MEIKIN: variants seen among roughly 807,000 people sequenced by gnomAD.
The protein encoded by MEIKIN is meiotic kinetochore factor, also known as meiosis-specific kinetochore protein.
intron 9 of MEIKIN, among the ~76,000 whole-genome samples, chr5:131,867,838 AG>A (rs1260071965): frequency 1.3e-5 from 2 of 152,226 alleles, no homozygotes; most frequent in African/African-American, 4.8e-5. Context: ...ATAAACGTTC[AG>A]GTGCATACTT....
At chr5:131,931,629 A>G (rs1751695561) in intron 5 of MEIKIN, among the ~76,000 whole-genome samples, 1 of 152,156 alleles carries the variant, frequency 6.6e-6, no homozygotes, top group African/African-American at 2.4e-5. Flanking sequence ...AGGAGTAGGA[A>G]TTATGGTGAG....
intron 4 of MEIKIN, among the ~76,000 whole-genome samples, chr5:131,941,714 G>A (rs1751872908): frequency 1.3e-5 from 2 of 152,142 alleles, no homozygotes; most frequent in South Asian, 4.1e-4. Flanking sequence ...CTATCTGGTT[G>A]ATATTGCTAC....
chr5:131,943,668 T>G (rs940496543), intron 3 of MEIKIN, among the ~76,000 whole-genome samples: 2 of 152,168 alleles, frequency 1.3e-5, no homozygotes, highest in African/African-American at 4.8e-5. Context: ...ATAAAAATTT[T>G]AAGAAACTTT....
At chr5:131,849,892 T>C (rs1417738227) in intron 11 of MEIKIN, among the ~76,000 whole-genome samples, 3 of 152,024 alleles carry the variant, frequency 2.0e-5, no homozygotes, top group African/African-American at 4.8e-5. Flanking sequence ...ATTATCTCTG[T>C]TCACAGACAA....
intron 7 of MEIKIN, 63 bp downstream of exon 7, chr5:131,916,823 C>T: frequency 2.5e-6 from 1 of 394,832 alleles, no homozygotes; most frequent in Non-Finnish European, 4.5e-6. Flanking sequence ...ATCATATTTG[C>T]TATATAACTA....
At chr5:131,834,385 C>T (rs1480145588) in intron 11 of MEIKIN, among the ~76,000 whole-genome samples, 4 of 152,120 alleles carry the variant, frequency 2.6e-5, no homozygotes, top group Non-Finnish European at 4.4e-5. Flanking sequence ...TTCAAGTAAA[C>T]AATTCACTGT....
intron 8 of MEIKIN, among the ~76,000 whole-genome samples, chr5:131,880,995 A>G (rs1750693495): frequency 6.6e-6 from 1 of 152,252 alleles, no homozygotes; most frequent in African/African-American, 2.4e-5. Flanking sequence ...TTTATTTGCT[A>G]AATCTGTTAA....
chr5:131,904,698 T>C (rs1358877558), intron 8 of MEIKIN, among the ~76,000 whole-genome samples: 1 of 152,168 alleles, frequency 6.6e-6, no homozygotes, highest in Non-Finnish European at 1.5e-5. Flanking sequence ...ACACGTATGC[T>C]TATTGCAGCA....
At chr5:131,878,833 G>A in intron 9 of MEIKIN, 145 bp downstream of exon 9, 1 of 373,330 alleles carries the variant, frequency 2.7e-6, no homozygotes, top group Non-Finnish European at 4.7e-6. Flanking sequence ...TATGATCACA[G>A]CACTGAACTC....
intron 5 of MEIKIN, among the ~76,000 whole-genome samples, chr5:131,923,680 A>G (rs905677030): frequency 9.2e-5 from 14 of 151,816 alleles, no homozygotes; most frequent in South Asian, 2.1e-4. Flanking sequence ...GATAAAATAC[A>G]TATTTTCTTA....
At position 131,865,314 on chromosome 5, in the gene MEIKIN, G is replaced by A. The variant is rs189966480; in HGVS notation, c.775-10480C>T. 2.5e-3 allele frequency among the ~76,000 whole-genome samples: 384 copies of A among 152,004 alleles called. 9 individuals are homozygous for A. The East Asian group carries it at 0.063, about 25-fold the overall frequency. On this transcript the variant is annotated intron_variant, in intron 9 of 12. Transcript: ENST00000442687. ...CACTCACTGCAAGCTCCGCCTCCTC[G>A]GTTCATGCCATTCTCCTGCCTCAGC...
chr5:131,817,422 T>C (rs1033799313), intron 12 of MEIKIN, among the ~76,000 whole-genome samples: 1 of 151,756 alleles, frequency 6.6e-6, no homozygotes, highest in African/African-American at 2.4e-5. Context: ...CCATCCTGGC[T>C]AACACGATGA....
intron 7 of MEIKIN, among the ~76,000 whole-genome samples, chr5:131,915,618 T>C (rs1440726644): frequency 1.4e-4 from 22 of 152,150 alleles, no homozygotes; most frequent in Admixed American, 1.4e-3. Flanking sequence ...AGGGATATGA[T>C]CACCTACCAA....
At chr5:131,924,008 C>T (rs199601242) in intron 5 of MEIKIN, among the ~76,000 whole-genome samples, 2 of 152,002 alleles carry the variant, frequency 1.3e-5, no homozygotes, top group African/African-American at 2.4e-5. Context: ...CAGTTCCTGT[C>T]GAACATCATC....
rs1750769744 is a variant in MEIKIN, at chr5:131,885,366, AGAGAGAGAGAG to A, written c.704-6329_704-6319del. Among the ~76,000 whole-genome samples, 284 of 69,056 alleles carry A rather than the reference AGAGAGAGAGAG, an allele frequency of 4.1e-3. 13 individuals carry two copies. The highest frequency in any genetic ancestry group is 6.0e-3 in the South Asian group (11 of 1,830). 45.3% of individuals were successfully genotyped at this position (69,056 alleles called of 152,430 possible). ...AAGAGAGAGAGAGAGAGAGAGAGAG[AGAGAGAGAGAG>A]AGAGAGAGAGAGAGAGAGAGAGAGA... On this transcript the variant is annotated intron_variant, in intron 8 of 12. Transcript: ENST00000442687.
intron 8 of MEIKIN, among the ~76,000 whole-genome samples, chr5:131,903,294 C>A (rs1561750794): frequency 6.6e-6 from 1 of 152,078 alleles, no homozygotes; most frequent in Non-Finnish European, 1.5e-5. Context: ...TCAGGACAAG[C>A]AGAAAACCCC....
rs1751708055 is a variant in MEIKIN, at chr5:131,932,586, A to G, written c.478+927T>C. Among the ~76,000 whole-genome samples, 3 of 152,240 alleles carry G rather than the reference A, an allele frequency of 2.0e-5. No individual in the cohort carries two copies. The South Asian group carries it at 6.2e-4, about 31-fold the overall frequency. ...GACATGGCCAATCCCAAAGCCAGAG[A>G]GTGGAAAAGAATACTCCACCCATTA... is the stretch of plus-strand genomic sequence containing the variant. On this transcript the variant is annotated intron_variant, in intron 5 of 12. Transcript: ENST00000442687.
chr5:131,919,077 A>AG (rs1314199314), intron 6 of MEIKIN, among the ~76,000 whole-genome samples: 1 of 152,228 alleles, frequency 6.6e-6, no homozygotes, highest in Non-Finnish European at 1.5e-5. Flanking sequence ...AACAGACAAA[A>AG]GGCCAATATT....
At chr5:131,932,961 T>C (rs961256713) in intron 5 of MEIKIN, among the ~76,000 whole-genome samples, 2 of 152,190 alleles carry the variant, frequency 1.3e-5, no homozygotes, top group African/African-American at 4.8e-5. Flanking sequence ...CTTCCAAACT[T>C]TGTACTTTCT....
Sources: gnomAD v4.1 joint callset for allele counts (sites outside exome capture counted in the v4.1 genomes callset) on GRCh38, gnomAD v4.1.1 for gene constraint, MANE v1.5 for transcripts, NCBI Gene and HGNC (gene_info 2026-07-23, HGNC 2026-07-21) for gene names.